Variants in KIAA1549L observed in about 807,000 individuals in gnomAD.
The protein encoded by KIAA1549L is UPF0606 protein KIAA1549L.
KIAA1549L carries 88 observed loss-of-function variants against 160.7 expected under a neutral mutation model. The ratio of observed to expected loss-of-function variants is 0.55; its 90% CI spans 0.46 to 0.65. KIAA1549L has a LOEUF of 0.65. Among genes scored for constraint, KIAA1549L ranks in the 30% least tolerant of loss-of-function variants. The pLI is 0.00. For missense variants in KIAA1549L, 2,258 were observed against 2,437.5 expected, an observed-to-expected ratio of 0.93 and a Z score of 1.55; for synonymous variants, 950 against 976.7, an observed-to-expected ratio of 0.97 and a Z score of 0.51.
intron 16 of KIAA1549L, among the ~76,000 whole-genome samples, chr11:33,633,918 A>G (rs531194224): frequency 3.9e-5 from 6 of 152,304 alleles, no homozygotes; most frequent in Non-Finnish European, 8.8e-5. Flanking sequence ...AAATTAAATG[A>G]GCTAATGCAG....
intron 1 of KIAA1549L, among the ~76,000 whole-genome samples, chr11:33,514,964 A>G (rs1853311082): frequency 6.6e-6 from 1 of 152,174 alleles, no homozygotes. Context: ...TTTAGTGAAA[A>G]GTTTTGCATA....
chr11:33,612,290 G>T (rs983144654), intron 15 of KIAA1549L, among the ~76,000 whole-genome samples: 1 of 152,202 alleles, frequency 6.6e-6, no homozygotes, highest in African/African-American at 2.4e-5. Context: ...ACAGGTTAGA[G>T]TTACCTGTTA....
At chr11:33,417,469 A>G (rs1850911606) in intron 1 of KIAA1549L, among the ~76,000 whole-genome samples, 1 of 152,156 alleles carries the variant, frequency 6.6e-6, no homozygotes, top group Non-Finnish European at 1.5e-5. Flanking sequence ...ATGACTCACG[A>G]GTGGGTTATG....
intron 1 of KIAA1549L, among the ~76,000 whole-genome samples, chr11:33,414,838 T>TGA (rs1850857181): frequency 6.6e-6 from 1 of 152,080 alleles, no homozygotes; most frequent in African/African-American, 2.4e-5. Context: ...AGTGAGTGTG[T>TGA]GTGAGAGAGA....
At position 33,447,461 on chromosome 11, in the gene KIAA1549L, T is replaced by A. The variant is rs1253640235; in HGVS notation, c.238+70572T>A. Among the ~76,000 whole-genome samples, 3 of 145,234 alleles carry A rather than the reference T, an allele frequency of 2.1e-5. No individual in the cohort carries two copies. In the East Asian group the frequency reaches 6.3e-4, roughly 30 times the overall value. On this transcript the variant is annotated intron_variant, in intron 1 of 20. Coordinates refer to ENST00000658780, the MANE Select transcript of KIAA1549L (RefSeq NM_012194.3). ...TTGTAATATTTAAGATGTCTCCACA[T>A]CCATCCATCCATCCACCCACCCACC...
At chr11:33,653,154 T>C (rs552447460) in intron 17 of KIAA1549L, among the ~76,000 whole-genome samples, 1 of 152,334 alleles carries the variant, frequency 6.6e-6, no homozygotes, top group East Asian at 1.9e-4. Context: ...AGGGGCAAGA[T>C]ATTTTGCTTG....
intron 13 of KIAA1549L, among the ~76,000 whole-genome samples, chr11:33,601,228 G>A (rs1003637364): frequency 5.3e-5 from 8 of 152,108 alleles, no homozygotes; most frequent in Non-Finnish European, 1.2e-4. Context: ...AATTTGGGGG[G>A]CTGGTTGCTT....
chr11:33,547,594 T>G (rs1175039737), intron 3 of KIAA1549L, among the ~76,000 whole-genome samples, 170 bp from the exon 4 acceptor site: 1 of 152,176 alleles, frequency 6.6e-6, no homozygotes, highest in Admixed American at 6.5e-5. Flanking sequence ...CCTTAGGACT[T>G]TAGCGGGACC....
At chr11:33,411,393 C>T (rs1377289376) in intron 1 of KIAA1549L, among the ~76,000 whole-genome samples, 1 of 152,152 alleles carries the variant, frequency 6.6e-6, no homozygotes, top group Non-Finnish European at 1.5e-5. Flanking sequence ...ATCCCTGGGG[C>T]AGCCTGCTCC....
intron 1 of KIAA1549L, among the ~76,000 whole-genome samples, chr11:33,489,573 C>T (rs904721183): frequency 6.6e-6 from 1 of 152,136 alleles, no homozygotes; most frequent in African/African-American, 2.4e-5. Flanking sequence ...AGTTTTGCTC[C>T]ATGTAGTCAT....
chr11:33,473,338 G>A (rs1031762935), intron 1 of KIAA1549L, among the ~76,000 whole-genome samples: 1 of 152,162 alleles, frequency 6.6e-6, no homozygotes, highest in African/African-American at 2.4e-5. Context: ...CCCAGGTGCT[G>A]AAGAAGCACC....
Position 33,618,660 on chromosome 11 carries a change from G to A in KIAA1549L, c.5407G>A (p.Asp1803Asn), listed in dbSNP as rs756511591. Residue 1803 changes from aspartate (D) to asparagine (N), a missense_variant and splice_region_variant, in exon 16 of 21, where the codon GAT becomes AAT. By Grantham distance (23) the Asp-to-Asn change is conservative (BLOSUM62 1). This residue lies in a region of KIAA1549L where 1,359 missense variants were observed against 1,546.6 expected (regional missense o/e 0.88). Coordinates refer to ENST00000658780, the MANE Select transcript of KIAA1549L (RefSeq NM_012194.3). ...GCGTGGAATCCGCAACAGCGGATAC[G>A]ATGTGAGTCTCTGGTGGGCTGGGTA... is the stretch of plus-strand genomic sequence containing the variant. ...PRRGIRNSGY[D>N]TEPEIIEETN... 7.0e-6 allele frequency: 11 copies of A among 1,582,380 alleles called. No homozygotes were observed. The highest frequency in any genetic ancestry group is 1.8e-5 in the Admixed American group (1 of 55,886).
At chr11:33,458,094 G>C (rs1851867802) in intron 1 of KIAA1549L, among the ~76,000 whole-genome samples, 1 of 152,148 alleles carries the variant, frequency 6.6e-6, no homozygotes, top group Admixed American at 6.5e-5. Context: ...ATTTGAGGAG[G>C]CTGGGAAAGA....
At chr11:33,489,260 C>T (rs1852601250) in intron 1 of KIAA1549L, among the ~76,000 whole-genome samples, 1 of 152,170 alleles carries the variant, frequency 6.6e-6, no homozygotes, top group African/African-American at 2.4e-5. Context: ...CGCTCCCCAC[C>T]TTATAGATCA....
At chr11:33,637,805 A>G in intron 16 of KIAA1549L, among the ~76,000 whole-genome samples, 1 of 152,170 alleles carries the variant, frequency 6.6e-6, no homozygotes, top group East Asian at 1.9e-4. Flanking sequence ...GTCCACTCTA[A>G]TGACCTCATT....
At chr11:33,531,479 A>C (rs1347382548) in intron 1 of KIAA1549L, among the ~76,000 whole-genome samples, 2 of 152,234 alleles carry the variant, frequency 1.3e-5, no homozygotes, top group African/African-American at 4.8e-5. Context: ...TCTCAAAAAA[A>C]TAAATAAGTA....
intron 1 of KIAA1549L, among the ~76,000 whole-genome samples, chr11:33,426,052 A>G (rs1256266437): frequency 6.6e-6 from 1 of 152,240 alleles, no homozygotes; most frequent in Non-Finnish European, 1.5e-5. Flanking sequence ...AACTAAATGC[A>G]ATGTGGGACC....
chr11:33,598,796 C>T (rs776576580), intron 12 of KIAA1549L, 24 bp from the exon 13 acceptor site: 2 of 1,613,554 alleles, frequency 1.2e-6, no homozygotes, highest in Non-Finnish European at 1.7e-6. Context: ...TTACCGTCTC[C>T]CCTGTTGCTA....
At chr11:33,499,095 A>G (rs1482778970) in intron 1 of KIAA1549L, among the ~76,000 whole-genome samples, 1 of 151,838 alleles carries the variant, frequency 6.6e-6, no homozygotes, top group African/African-American at 2.4e-5. Flanking sequence ...TACAAATCCC[A>G]CTTGACATTC....
Sources: allele counts gnomAD v4.1 joint callset (sites outside exome capture counted in the v4.1 genomes callset), GRCh38; gene constraint gnomAD v4.1.1; regional missense constraint gnomAD v4.1.1; transcripts MANE v1.5; gene names NCBI Gene and HGNC (gene_info 2026-07-23, HGNC 2026-07-21).